The following CSGALNACT1 variants were observed in gnomAD, a reference collection of about 807,000 sequenced individuals.
The protein encoded by CSGALNACT1 is beta4GalNAcT-1.
Under a neutral mutation model 51.0 loss-of-function variants are expected in CSGALNACT1, and 52 were observed. That is an observed-to-expected ratio of 1.02 (90% confidence interval 0.82 to 1.29). CSGALNACT1 has a LOEUF of 1.29. Among genes scored for constraint, CSGALNACT1 ranks in the 50% most tolerant of loss-of-function variants. The pLI, the probability that CSGALNACT1 is intolerant of heterozygous loss-of-function variation, is 0.00. For missense variants in CSGALNACT1, 935 were observed against 679.2 expected (o/e 1.38, Z -4.19); for synonymous variants, 341 against 254.4 (o/e 1.34, Z -3.24).
chr8:19,559,950 C>G (rs2154095077), intron 3 of CSGALNACT1, among the ~76,000 whole-genome samples: 1 of 152,298 alleles, frequency 6.6e-6, no homozygotes, highest in Non-Finnish European at 1.5e-5. Flanking sequence ...TTAAGACTCT[C>G]TTGAAGTACC....
chr8:19,669,659 AGATGGGG>A (rs992307983), intron 1 of CSGALNACT1, among the ~76,000 whole-genome samples: 6 of 151,962 alleles, frequency 3.9e-5, no homozygotes, highest in Admixed American at 1.3e-4. Flanking sequence ...TTTTTAGTAG[AGATGGGG>A]GTTTCACCAC....
chr8:19,650,394 G>A (rs983369482), intron 1 of CSGALNACT1, among the ~76,000 whole-genome samples: 4 of 152,160 alleles, frequency 2.6e-5, no homozygotes, highest in Admixed American at 6.5e-5. Flanking sequence ...ATTCAAAGTC[G>A]ATTTCAAAAG....
At chr8:19,458,831 A>G (rs2064719067) in intron 4 of CSGALNACT1, among the ~76,000 whole-genome samples, 189 bp from the exon 4 acceptor site, 1 of 152,226 alleles carries the variant, frequency 6.6e-6, no homozygotes, top group Non-Finnish European at 1.5e-5. Context: ...CATGAATTTT[A>G]AAATCACAGT....
intron 3 of CSGALNACT1, among the ~76,000 whole-genome samples, chr8:19,568,337 CA>C (rs1412533228): frequency 1.3e-5 from 2 of 152,000 alleles, no homozygotes; most frequent in African/African-American, 4.8e-5. Flanking sequence ...TGTATCTAAA[CA>C]TATCAAAAAA....
At chr8:19,605,129 A>G (rs1189334501), upstream of CSGALNACT1, among the ~76,000 whole-genome samples, 2 of 152,210 alleles carry the variant, frequency 1.3e-5, no homozygotes, top group African/African-American at 4.8e-5. Context: ...AGTATTTGCC[A>G]AAAGCAAAAA....
intron 3 of CSGALNACT1, among the ~76,000 whole-genome samples, chr8:19,547,601 C>T (rs1372258243): frequency 6.6e-6 from 1 of 152,128 alleles, no homozygotes; most frequent in African/African-American, 2.4e-5. Flanking sequence ...GTGAGGCCTC[C>T]CAGCCATGTG....
chr8:19,524,906 GAGAGAAAGAGAGACAC>G (rs1348600917), intron 3 of CSGALNACT1, among the ~76,000 whole-genome samples: 3 of 152,166 alleles, frequency 2.0e-5, no homozygotes, highest in Admixed American at 1.3e-4. Flanking sequence ...TGGAAATAAA[GAGAGAAAGAGAGACAC>G]AGAGAGAGAG....
rs971549968 is a variant in CSGALNACT1 at position 19,757,348 on chromosome 8, T to TCGGG, written c.-297+498_-297+501dup. 3.3e-5 allele frequency: 5 copies of TCGGG among 150,466 alleles called. No individual in the cohort carries two copies. The highest frequency in any genetic ancestry group is 6.0e-5 in the Non-Finnish European group (4 of 67,148). 9.3% of individuals were successfully genotyped at this position (150,466 alleles called of 1,614,324 possible). A position where few individuals can be genotyped will look rare whatever the true frequency, so the allele number is the denominator to read the frequency against. On this transcript the variant is annotated intron_variant, in intron 1 of 1. Transcript: ENST00000517494. This position sits in a 1 kb window ranked among gnomAD's most constrained non-coding sequence, Gnocchi z 4.0. ...GGGGAGCAGCGGCGGCGGCGGCGGC[T>TCGGG]CGGGCGGGCGGGCGCAACAGCGGCC...
chr8:19,513,437 T>TCTCTCTCTCTCTATATATATATAC (rs1491147909), intron 3 of CSGALNACT1, among the ~76,000 whole-genome samples: 1 of 32,096 alleles, frequency 3.1e-5, no homozygotes, highest in African/African-American at 1.2e-4. Context: ...TCTCTCTCTC[T>TCTCTCTCTCTCTATATATATATAC]ATATATATAT....
upstream of CSGALNACT1, among the ~76,000 whole-genome samples, chr8:19,606,819 G>T (rs1406675946): frequency 6.6e-6 from 1 of 151,994 alleles, no homozygotes; most frequent in Non-Finnish European, 1.5e-5. Context: ...GTCCATTATT[G>T]CCTTAAAGGA....
At chr8:19,496,406 A>G (rs1205799035) in intron 4 of CSGALNACT1, among the ~76,000 whole-genome samples, 1 of 152,194 alleles carries the variant, frequency 6.6e-6, no homozygotes, top group African/African-American at 2.4e-5. Flanking sequence ...CTTTTAAGCT[A>G]TGGGACTCTG....
At chr8:19,676,824 G>A (rs1207003033) in intron 1 of CSGALNACT1, among the ~76,000 whole-genome samples, 2 of 152,170 alleles carry the variant, frequency 1.3e-5, no homozygotes, top group Admixed American at 1.3e-4. Context: ...CAACTGGGAG[G>A]CTCGGTACTG....
chr8:19,541,807 C>A (rs970647251), intron 3 of CSGALNACT1, among the ~76,000 whole-genome samples: 2 of 151,900 alleles, frequency 1.3e-5, no homozygotes, highest in Admixed American at 1.3e-4. Flanking sequence ...ACATGTAATT[C>A]TTCAATGTTT....
At chr8:19,502,444 G>A (rs1268667379) in intron 4 of CSGALNACT1, among the ~76,000 whole-genome samples, 1 of 152,190 alleles carries the variant, frequency 6.6e-6, no homozygotes, top group Non-Finnish European at 1.5e-5. Context: ...TTAGCCTGAA[G>A]TGTTACATAA....
chr8:19,454,409 G>A (rs565283971), intron 5 of CSGALNACT1, among the ~76,000 whole-genome samples: 4 of 152,298 alleles, frequency 2.6e-5, no homozygotes, highest in African/African-American at 7.2e-5. Context: ...CGTGGCTGAC[G>A]CCTGTAATCC....
At chr8:19,416,109 CTTTTT>C (rs34491658) in intron 8 of CSGALNACT1, among the ~76,000 whole-genome samples, 10 of 116,722 alleles carry the variant, frequency 8.6e-5, no homozygotes, top group South Asian at 5.9e-4. Flanking sequence ...GAAATGAAAA[CTTTTT>C]TTTTTTTTTT....
In CSGALNACT1 at chr8:19,624,713, C is replaced by A. The variant is rs2054233667; in HGVS notation, c.-543-22848G>T. On this transcript the variant is annotated intron_variant, in intron 1 of 9. Coordinates refer to the CSGALNACT1 transcript ENST00000332246. Reference sequence around the variant, plus strand: ...TCTTTTCTTGAGACAGAGTCTCGCTCTGTTGCCCAGGCTGGAGTGCAGTGG... The same window carrying A: ...TCTTTTCTTGAGACAGAGTCTCGCTATGTTGCCCAGGCTGGAGTGCAGTGG... 2.6e-5 allele frequency among the ~76,000 whole-genome samples: 4 copies of A among 151,266 alleles called. No individual in the cohort carries two copies. The South Asian group carries it at 8.3e-4, about 32-fold the overall frequency.
At chr8:19,640,544 G>C (rs1026335574) in intron 1 of CSGALNACT1, among the ~76,000 whole-genome samples, 1 of 152,134 alleles carries the variant, frequency 6.6e-6, no homozygotes, top group Non-Finnish European at 1.5e-5. Flanking sequence ...AATGTACTTG[G>C]ACTCAAACTC....
intron 1 of CSGALNACT1, among the ~76,000 whole-genome samples, chr8:19,705,495 G>C (rs905828256): frequency 1.1e-4 from 16 of 152,224 alleles, no homozygotes; most frequent in African/African-American, 3.4e-4. Context: ...CACTTTGGGA[G>C]GCTGAGGCAG....
Sources: gnomAD v4.1 joint callset for allele counts (sites outside exome capture counted in the v4.1 genomes callset) on GRCh38, gnomAD v4.1.1 for gene constraint, Gnocchi (gnomAD v3.1) non-coding constraint, MANE v1.5 for transcripts, NCBI Gene and HGNC (gene_info 2026-07-23, HGNC 2026-07-21) for gene names.